SOAT1: variants seen among roughly 807,000 people sequenced by gnomAD.
SOAT1 encodes the protein sterol O-acyltransferase 1.
SOAT1 carries 55 observed loss-of-function variants against 69.5 expected under a neutral mutation model. That is an observed-to-expected ratio of 0.79 (90% CI 0.64 to 0.99). The LOEUF is 0.99. SOAT1 is among the 50% of genes least tolerant of loss of function. The pLI, the probability that SOAT1 is intolerant of heterozygous loss-of-function variation, is 0.00. For missense variants in SOAT1, 580 were observed against 669.3 expected, an observed-to-expected ratio of 0.87 and a Z score of 1.47; for synonymous variants, 231 against 224.7, an observed-to-expected ratio of 1.03 and a Z score of -0.25.
At chr1:179,339,066 G>C (rs1191103221) in intron 5 of SOAT1, among the ~76,000 whole-genome samples, 1 of 152,134 alleles carries the variant, frequency 6.6e-6, no homozygotes, top group Non-Finnish European at 1.5e-5. Flanking sequence ...TTATAGACGT[G>C]TAGGGTAGTA....
chr1:179,334,964 G>A (rs952446406), intron 3 of SOAT1, among the ~76,000 whole-genome samples: 4 of 141,152 alleles, frequency 2.8e-5, no homozygotes, highest in East Asian at 2.1e-4. Context: ...GCGGTGAGCC[G>A]AGATCGTGCC....
intron 5 of SOAT1, 126 bp downstream of exon 5, chr1:179,338,022 T>C: frequency 3.6e-6 from 2 of 550,342 alleles, no homozygotes; most frequent in Admixed American, 3.4e-5. Context: ...GGTTTTTTTC[T>C]TCTATGCTCT....
chr1:179,350,203 A>G, intron 13 of SOAT1, 93 bp from the exon 14 acceptor site: 1 of 968,424 alleles, frequency 1.0e-6, no homozygotes, highest in Non-Finnish European at 1.5e-6. Context: ...CAAATACAAT[A>G]GGTGCCTTTG....
Position 179,342,180 on chromosome 1 carries a change from A to G in SOAT1, c.847A>G (p.Lys283Glu). The stretch of plus-strand genomic sequence containing the variant: ...CGTGCCTCGGGTACTAAATTCAGCT[A>G]AGGAGAAATCAAGTATGTAATTTCT... The part of the protein sequence containing the change: ...ENVPRVLNSA[K>E]EKSSTVPIPT... The change falls in exon 8 of 16, where the codon AAG (lysine) becomes GAG (glutamate). Residue 283 changes from lysine to glutamate, a missense_variant. By Grantham distance (56) the Lys-to-Glu change is moderately conservative. Transcript: ENST00000367619. 6.2e-7 allele frequency: 1 copy of G among 1,612,162 alleles called. No individual in the cohort carries two copies. The highest frequency in any genetic ancestry group is 8.5e-7 in the Non-Finnish European group (1 of 1,178,664).
intron 15 of SOAT1, among the ~76,000 whole-genome samples, chr1:179,351,911 G>C (rs1284482279): frequency 6.6e-6 from 1 of 151,304 alleles, no homozygotes; most frequent in Non-Finnish European, 1.5e-5. Flanking sequence ...GTAGAGATGG[G>C]GTTTCACCAT....
intron 13 of SOAT1, among the ~76,000 whole-genome samples, 156 bp from the exon 14 acceptor site, chr1:179,350,140 G>C (rs890987479): frequency 6.6e-6 from 1 of 152,200 alleles, no homozygotes; most frequent in Non-Finnish European, 1.5e-5. Context: ...ATGATTTGTA[G>C]TTATTTTAAT....
rs1408258915 is a variant in SOAT1 at position 179,356,633 on chromosome 1, G to A, written c.*2992G>A. 3.3e-5 allele frequency: 5 copies of A among 151,800 alleles called. No individual in the cohort carries two copies. The highest frequency in any genetic ancestry group is 6.6e-5 in the Admixed American group (1 of 15,204). The allele number at this position is 151,800 out of a possible 1,614,324, so 9.4% of individuals were successfully genotyped here. ...GCCTCTCAAAGTGCTGGGATTACAG[G>A]TGTGAGCCACGGCTCCTGGCTCCTT... On this transcript the variant is annotated 3_prime_UTR_variant, in exon 16 of 16. Coordinates refer to ENST00000367619, the MANE Select transcript of SOAT1 (RefSeq NM_003101.6).
At chr1:179,353,347 A>G (rs1160055809) in intron 15 of SOAT1, among the ~76,000 whole-genome samples, 3 of 149,406 alleles carry the variant, frequency 2.0e-5, no homozygotes, top group Non-Finnish European at 3.0e-5. Context: ...ACAATTGTGT[A>G]TAGTTTACTG....
intron 2 of SOAT1, among the ~76,000 whole-genome samples, chr1:179,319,462 G>A (rs1665518371): frequency 6.6e-6 from 1 of 151,652 alleles, no homozygotes; most frequent in African/African-American, 2.4e-5. Context: ...TAGAGACGGG[G>A]TTTCTCCCCA....
chr1:179,300,744 G>A (rs1444110062), intron 1 of SOAT1, among the ~76,000 whole-genome samples: 1 of 152,026 alleles, frequency 6.6e-6, no homozygotes, highest in Non-Finnish European at 1.5e-5. Flanking sequence ...TTTTCTTCTT[G>A]CTTTAGACTC....
chr1:179,342,952 A>C lies in SOAT1; in HGVS notation c.941+9A>C. On this transcript the variant is annotated intron_variant, in intron 9 of 15. Coordinates refer to ENST00000367619, the MANE Select transcript of SOAT1 (RefSeq NM_003101.6). The stretch of plus-strand genomic sequence containing the variant: ...CGTGACAGCTATCCCAGGTAATGGT[A>C]CTGTGAACCAGAAATGTGGTAAACA... 1.2e-6 allele frequency: 2 copies of C among 1,608,736 alleles called. No homozygotes were observed.
intron 3 of SOAT1, among the ~76,000 whole-genome samples, chr1:179,331,631 G>C (rs1316628505): frequency 2.0e-5 from 3 of 152,120 alleles, no homozygotes; most frequent in African/African-American, 4.8e-5. Flanking sequence ...TCAGTTGGGT[G>C]GGGGGCAGAC....
intron 2 of SOAT1, among the ~76,000 whole-genome samples, chr1:179,313,063 C>T (rs1665272285): frequency 6.6e-6 from 1 of 152,186 alleles, no homozygotes; most frequent in Non-Finnish European, 1.5e-5. Context: ...GCAGTGTTCA[C>T]CATGGCTGTG....
intron 2 of SOAT1, among the ~76,000 whole-genome samples, chr1:179,312,123 G>T (rs1361521645): frequency 3.3e-5 from 5 of 152,194 alleles, no homozygotes; most frequent in African/African-American, 1.2e-4. Context: ...ACTTTTGTGA[G>T]GAATGTCACA....
At chr1:179,319,092 A>G (rs1359321251) in intron 2 of SOAT1, among the ~76,000 whole-genome samples, 1 of 152,154 alleles carries the variant, frequency 6.6e-6, no homozygotes, top group Non-Finnish European at 1.5e-5. Context: ...CTTTCTTCAC[A>G]TTCAAGCCAA....
At chr1:179,317,637 A>G (rs1017706764) in intron 2 of SOAT1, among the ~76,000 whole-genome samples, 1 of 139,772 alleles carries the variant, frequency 7.2e-6, no homozygotes, top group Non-Finnish European at 1.6e-5. Flanking sequence ...GTTCATCATC[A>G]TAGGTTTTTT....
At chr1:179,348,731 G>C in intron 12 of SOAT1, 113 bp from the exon 13 acceptor site, 1 of 664,924 alleles carries the variant, frequency 1.5e-6, no homozygotes, top group Non-Finnish European at 2.7e-6. Context: ...TGTTCTTTGG[G>C]AAGTCAGGGG....
In SOAT1 at chr1:179,323,042, T is replaced by TTTC. The variant is rs1457554871; in HGVS notation, c.119-392_119-390dup. Among the ~76,000 whole-genome samples, 422 of 108,636 alleles carry TTTC rather than the reference T, an allele frequency of 3.9e-3. 1 individual carries two copies. Among genetic ancestry groups the TTTC allele is most frequent in the African/African-American group, 0.014 (402 of 29,620 alleles). The allele number at this position is 108,636 out of a possible 152,430, so 71.3% of individuals were successfully genotyped here. A position where few individuals can be genotyped will look rare whatever the true frequency, so the allele number is the denominator to read the frequency against. On this transcript the variant is annotated intron_variant, in intron 2 of 15. Coordinates refer to ENST00000367619, the MANE Select transcript of SOAT1 (RefSeq NM_003101.6). ...TCTAGTTTCATTTTCTTTTCTTTTC[T>TTTC]TTCTTTTTTTTTTTTTTTTGCCTCT... is the stretch of plus-strand genomic sequence containing the variant.
At chr1:179,344,309 C>A (rs1203126615) in intron 10 of SOAT1, among the ~76,000 whole-genome samples, 2 of 142,786 alleles carry the variant, frequency 1.4e-5, no homozygotes, top group African/African-American at 5.1e-5. Flanking sequence ...AAATTAGTGT[C>A]TCAATCAAAT....
Sources: allele counts gnomAD v4.1 joint callset (sites outside exome capture counted in the v4.1 genomes callset), GRCh38; gene constraint gnomAD v4.1.1; transcripts MANE v1.5; gene names NCBI Gene and HGNC (gene_info 2026-07-23, HGNC 2026-07-21).